The following DCC variants were observed in gnomAD, a reference collection of about 807,000 sequenced individuals.
DCC encodes netrin receptor DCC.
Under a neutral mutation model 172.5 loss-of-function variants are expected in DCC, and 58 were observed. The observed-to-expected ratio is 0.34, with a 90% CI of 0.27 to 0.42. DCC has a LOEUF of 0.42. Ranked by LOEUF, DCC falls within the 10% of genes least tolerant of loss-of-function variation. DCC has a pLI of 1.00. For synonymous variants in DCC, 709 were observed against 644.5 expected, an observed-to-expected ratio of 1.10 and a Z score of -1.52; for missense variants, 1,740 against 1,791.0, an observed-to-expected ratio of 0.97 and a Z score of 0.51.
intron 1 of DCC, among the ~76,000 whole-genome samples, chr18:52,366,253 T>A (rs1984846036): frequency 6.6e-6 from 1 of 152,168 alleles, no homozygotes; most frequent in South Asian, 2.1e-4. Context: ...CCACGGACCC[T>A]CGCGGTGAGT....
intron 2 of DCC, among the ~76,000 whole-genome samples, chr18:52,805,223 G>A (rs17384993): frequency 0.034 from 5,214 of 152,216 alleles, 130 homozygotes; most frequent in Admixed American, 0.049. Flanking sequence ...GCCTTTCAAC[G>A]CAAATGGAAT....
intron 2 of DCC, among the ~76,000 whole-genome samples, chr18:52,767,476 G>A (rs1279807782): frequency 1.3e-5 from 2 of 152,044 alleles, no homozygotes; most frequent in Non-Finnish European, 2.9e-5. Flanking sequence ...AAAAATAATG[G>A]GGTCAAGAGA....
chr18:52,375,024 T>C (rs556555531), intron 1 of DCC, among the ~76,000 whole-genome samples: 1 of 152,376 alleles, frequency 6.6e-6, no homozygotes, highest in Non-Finnish European at 1.5e-5. Flanking sequence ...TTTAACAATC[T>C]GATACATGGC....
At chr18:53,481,043 A>G (rs1341035294) in intron 25 of DCC, 2 of 152,280 alleles carry the variant, frequency 1.3e-5, no homozygotes, top group Non-Finnish European at 2.9e-5. Context: ...TCCCCAAGAC[A>G]TGACACCTGG....
intron 1 of DCC, among the ~76,000 whole-genome samples, chr18:52,748,955 G>A (rs573876733): frequency 8.9e-4 from 135 of 152,302 alleles, no homozygotes; most frequent in Non-Finnish European, 1.7e-3. Flanking sequence ...TCAGCACTTC[G>A]GGAGGCTGAG....
At chr18:52,701,167 T>G (rs2036117210) in intron 1 of DCC, among the ~76,000 whole-genome samples, 1 of 152,224 alleles carries the variant, frequency 6.6e-6, no homozygotes, top group Non-Finnish European at 1.5e-5. Context: ...TATATTGTAT[T>G]AAAAAATCTT....
chr18:53,219,228 A>G (rs572103946), intron 12 of DCC, among the ~76,000 whole-genome samples: 1 of 152,224 alleles, frequency 6.6e-6, no homozygotes, highest in South Asian at 2.1e-4. Flanking sequence ...AGTTGACATT[A>G]TTTTCTCATT....
chr18:53,167,767 A>G (rs4940245), intron 8 of DCC, among the ~76,000 whole-genome samples: 49,832 of 152,118 alleles, frequency 0.33, 9,546 homozygotes, highest in East Asian at 0.59. Flanking sequence ...AAAGTGATAC[A>G]TAATACACTA....
At chr18:52,489,321 T>A (rs368563239) in intron 1 of DCC, among the ~76,000 whole-genome samples, 1 of 152,112 alleles carries the variant, frequency 6.6e-6, no homozygotes, top group Admixed American at 6.6e-5. Context: ...AGGCAAAGAT[T>A]CATATTTTAA....
intron 5 of DCC, among the ~76,000 whole-genome samples, chr18:52,973,535 G>T (rs2041064584): frequency 6.6e-6 from 1 of 152,028 alleles, no homozygotes; most frequent in Admixed American, 6.6e-5. Context: ...CATTTCCAGA[G>T]CTCCAACTCT....
rs146205035 is a variant in DCC at position 53,127,509 on chromosome 18, G to A, written c.1262-29847G>A. ...TTCAATGGTTTTAAATTTTGCAAAT[G>A]TTGCCTATGGGAGGGTGGCTCTGAT... On this transcript the variant is annotated intron_variant, in intron 7 of 28. Coordinates refer to ENST00000442544, the MANE Select transcript of DCC (RefSeq NM_005215.4). Among the ~76,000 whole-genome samples the A allele has an allele frequency of 3.6e-3, 552 of 152,120 alleles. 7 individuals carry two copies. The highest frequency in any genetic ancestry group is 5.4e-3 in the Admixed American group (83 of 15,270).
intron 5 of DCC, among the ~76,000 whole-genome samples, chr18:52,993,448 A>C (rs1224281565): frequency 1.3e-5 from 2 of 152,176 alleles, no homozygotes; most frequent in Non-Finnish European, 2.9e-5. Flanking sequence ...TCACAACACC[A>C]CACTGGTCAC....
intron 5 of DCC, among the ~76,000 whole-genome samples, chr18:53,010,828 A>G (rs2041719063): frequency 6.6e-6 from 1 of 151,202 alleles, no homozygotes; most frequent in Non-Finnish European, 1.5e-5. Context: ...AGACTTAGAA[A>G]TTCAGTAAAT....
chr18:53,253,838 A>G (rs973921271), intron 12 of DCC, among the ~76,000 whole-genome samples: 2 of 152,056 alleles, frequency 1.3e-5, no homozygotes, highest in Admixed American at 6.6e-5. Context: ...ATAAGAAATC[A>G]TCCCTTCCTC....
intron 1 of DCC, among the ~76,000 whole-genome samples, chr18:52,351,912 C>T (rs2144246271): frequency 6.6e-6 from 1 of 152,246 alleles, no homozygotes; most frequent in African/African-American, 2.4e-5. Context: ...ACTACTGTAC[C>T]ACTTGAATCA....
At chr18:52,835,970 G>A (rs758613122) in intron 2 of DCC, among the ~76,000 whole-genome samples, 3 of 152,146 alleles carry the variant, frequency 2.0e-5, no homozygotes, top group South Asian at 2.1e-4. Context: ...AAGGAAAAAG[G>A]TTTAATTGAC....
chr18:52,585,604 A>G (rs1041381458), intron 1 of DCC, among the ~76,000 whole-genome samples: 3 of 152,362 alleles, frequency 2.0e-5, no homozygotes, highest in African/African-American at 7.2e-5. Flanking sequence ...TAGACAAATT[A>G]ATGTGAGCAC....
chr18:52,733,026 G>T (rs1037761267), intron 1 of DCC, among the ~76,000 whole-genome samples: 1 of 152,152 alleles, frequency 6.6e-6, no homozygotes, highest in Non-Finnish European at 1.5e-5. Flanking sequence ...TCCCCTGTTT[G>T]TAGCTACAGC....
intron 1 of DCC, among the ~76,000 whole-genome samples, chr18:52,608,144 T>G (rs1301674278): frequency 6.6e-6 from 1 of 152,148 alleles, no homozygotes; most frequent in Non-Finnish European, 1.5e-5. Flanking sequence ...AACTTCTGTG[T>G]CTGTGTATCA....
Sources: gnomAD v4.1 joint callset for allele counts (sites outside exome capture counted in the v4.1 genomes callset) on GRCh38, gnomAD v4.1.1 for gene constraint, MANE v1.5 for transcripts, NCBI Gene and HGNC (gene_info 2026-07-23, HGNC 2026-07-21) for gene names.